Variants in WDR72 observed in about 807,000 individuals in gnomAD.
WDR72 encodes WD repeat-containing protein 72.
In WDR72, 120 loss-of-function variants were observed where a neutral mutation model predicts 124.2. That is an observed-to-expected ratio of 0.97 (90% CI 0.83 to 1.12). The LOEUF is 1.12. Ranked by LOEUF, WDR72 falls within the 50% of genes most tolerant of loss-of-function variation. The pLI, the probability that WDR72 is intolerant of heterozygous loss-of-function variation, is 0.00. For missense variants in WDR72, 1,387 were observed against 1,278.8 expected (o/e 1.08, Z -1.29); for synonymous variants, 452 against 441.7 (o/e 1.02, Z -0.29).
At chr15:53,702,013 T>C in intron 12 of WDR72, 121 bp downstream of exon 12, 1 of 639,322 alleles carries the variant, frequency 1.6e-6, no homozygotes, top group South Asian at 2.3e-5. Flanking sequence ...GTATTATAAG[T>C]ACATAGAACT....
chr15:53,554,330 G>GAAAAA (rs950341274), intron 18 of WDR72, among the ~76,000 whole-genome samples: 1 of 147,466 alleles, frequency 6.8e-6, no homozygotes, highest in Non-Finnish European at 1.5e-5. Flanking sequence ...CCATAAATTG[G>GAAAAA]AAAAAAAAAA....
chr15:53,671,511 T>C (rs2015988454), intron 13 of WDR72, among the ~76,000 whole-genome samples: 1 of 152,228 alleles, frequency 6.6e-6, no homozygotes, highest in Non-Finnish European at 1.5e-5. Context: ...AGCAGGTCTT[T>C]CTAAATATTC....
At chr15:53,628,560 C>A in intron 14 of WDR72, among the ~76,000 whole-genome samples, 1 of 151,990 alleles carries the variant, frequency 6.6e-6, no homozygotes, top group Admixed American at 6.6e-5. Context: ...AAATTTATAA[C>A]CTAACTTATA....
At chr15:53,720,113 A>G (rs1323802747) in intron 3 of WDR72, among the ~76,000 whole-genome samples, 4 of 152,188 alleles carry the variant, frequency 2.6e-5, no homozygotes, top group Non-Finnish European at 5.9e-5. Context: ...TTTTAAAAAA[A>G]ATTGTTTTCT....
chr15:53,553,767 G>C (rs1267775875), intron 18 of WDR72, among the ~76,000 whole-genome samples: 1 of 152,050 alleles, frequency 6.6e-6, no homozygotes, highest in African/African-American at 2.4e-5. Flanking sequence ...AGAAGTACAA[G>C]GTATTAAGCT....
intron 5 of WDR72, 117 bp downstream of exon 5, chr15:53,715,076 C>T (rs772753813): frequency 8.9e-7 from 1 of 1,117,810 alleles, no homozygotes. Context: ...TCCTCATTAA[C>T]AGGTAAGCAT....
At position 53,710,884 on chromosome 15, in the gene WDR72, C is replaced by G; in HGVS notation, c.927G>C (p.Leu309=). Residue 309 remains leucine (L), a synonymous_variant, in exon 9 of 20, where the codon CTG becomes CTC. Coordinates refer to ENST00000360509, the MANE Select transcript of WDR72 (RefSeq NM_182758.4). ...TATTTTCCTGCACAGAAGTAGAGCA[C>G]AGTAAATGAGGATAAATGGTCTCTT... ...VLKETIYPHL[L]CSTSVQENKE... 1.2e-6 allele frequency: 2 copies of G among 1,613,710 alleles called. No individual in the cohort carries two copies. Among genetic ancestry groups the G allele is most frequent in the Non-Finnish European group, 1.7e-6 (2 of 1,179,674 alleles).
chr15:53,608,503 C>G (rs2013386261), intron 17 of WDR72, among the ~76,000 whole-genome samples: 1 of 152,096 alleles, frequency 6.6e-6, no homozygotes, highest in South Asian at 2.1e-4. Context: ...ACTTGTAATC[C>G]TAGCACTTTG....
intron 19 of WDR72, among the ~76,000 whole-genome samples, chr15:53,522,327 C>A (rs375025491): frequency 9.9e-5 from 15 of 151,994 alleles, no homozygotes; most frequent in African/African-American, 3.1e-4. Flanking sequence ...GAGGATGAAT[C>A]AAAAATATGA....
At position 53,615,599 on chromosome 15, in the gene WDR72, G is replaced by T. The variant is rs750368032; in HGVS notation, c.2607C>A (p.Asp869Glu). The T allele has an allele frequency of 1.9e-5, 31 of 1,612,714 alleles. No individual in the cohort carries two copies. The highest frequency in any genetic ancestry group is 2.6e-5 in the Non-Finnish European group (31 of 1,179,368). Residue 869 changes from aspartate to glutamate, a missense_variant, in exon 15 of 20, where the codon GAC (aspartate) becomes GAA (glutamate). Physicochemically the swap from Asp to Glu is conservative, Grantham distance 45. Transcript: ENST00000360509. ...GAGTGGCTGTGTATTTATCTGACAAGTCCAAAACTTTCCTGGAAAATAAAT... is the reference window on the plus strand; with the variant it reads ...GAGTGGCTGTGTATTTATCTGACAATTCCAAAACTTTCCTGGAAAATAAAT... ...GVNLFSRKVL[D>E]LSDKYTATLP...
chr15:53,560,803 A>G (rs1344351206), intron 18 of WDR72, among the ~76,000 whole-genome samples: 4 of 151,806 alleles, frequency 2.6e-5, no homozygotes, highest in Non-Finnish European at 4.4e-5. Context: ...TTAACCTTAA[A>G]ATAACCACAC....
chr15:53,741,455 C>T (rs2018506992), intron 1 of WDR72, among the ~76,000 whole-genome samples: 1 of 152,122 alleles, frequency 6.6e-6, no homozygotes, highest in Non-Finnish European at 1.5e-5. Flanking sequence ...GCTGCTTTTA[C>T]CATTTATAAC....
intron 13 of WDR72, among the ~76,000 whole-genome samples, chr15:53,674,945 A>G (rs1162426276): frequency 6.6e-6 from 1 of 150,972 alleles, no homozygotes; most frequent in Non-Finnish European, 1.5e-5. Flanking sequence ...CAATTGAAAG[A>G]AAAAAAAAGG....
At chr15:53,628,627 C>T (rs1295314479) in intron 14 of WDR72, among the ~76,000 whole-genome samples, 2 of 151,932 alleles carry the variant, frequency 1.3e-5, no homozygotes, top group African/African-American at 4.8e-5. Flanking sequence ...TACTTAGATA[C>T]AAAAAGAAAT....
chr15:53,529,679 T>G (rs1892342880), intron 18 of WDR72, among the ~76,000 whole-genome samples: 1 of 151,992 alleles, frequency 6.6e-6, no homozygotes, highest in Non-Finnish European at 1.5e-5. Flanking sequence ...TATGTGTTCC[T>G]GTGGACTCAT....
chr15:53,588,140 GCATTTCTTT>G (rs1272913042), intron 18 of WDR72, among the ~76,000 whole-genome samples: 1 of 151,932 alleles, frequency 6.6e-6, no homozygotes, highest in Admixed American at 6.6e-5. Flanking sequence ...ATATTATTTA[GCATTTCTTT>G]CATTCTGCCT....
At chr15:53,535,435 T>C (rs1892710656) in intron 18 of WDR72, among the ~76,000 whole-genome samples, 1 of 152,150 alleles carries the variant, frequency 6.6e-6, no homozygotes, top group African/African-American at 2.4e-5. Context: ...ATCACAGAGA[T>C]TTATTTGCAA....
At chr15:53,712,745 G>A (rs1277226786) in intron 7 of WDR72, 27 bp downstream of exon 7, 1 of 1,602,204 alleles carries the variant, frequency 6.2e-7, no homozygotes. Context: ...GTACATCACT[G>A]GTATTTATTA....
intron 4 of WDR72, among the ~76,000 whole-genome samples, chr15:53,715,798 A>T (rs757217743): frequency 6.6e-6 from 1 of 152,214 alleles, no homozygotes; most frequent in Non-Finnish European, 1.5e-5. Context: ...CCTGGGTGAC[A>T]GAGCAAGACC....
Sources: gnomAD v4.1 joint callset for allele counts (sites outside exome capture counted in the v4.1 genomes callset) on GRCh38, gnomAD v4.1.1 for gene constraint, MANE v1.5 for transcripts, NCBI Gene and HGNC (gene_info 2026-07-23, HGNC 2026-07-21) for gene names.